ANO4: variants seen among roughly 807,000 people sequenced by gnomAD.
The protein encoded by ANO4 is anoctamin 4, also known as anoctamin-4.
Under a neutral mutation model 141.9 loss-of-function variants are expected in ANO4, and 69 were observed. The observed-to-expected ratio is 0.49, with a 90% CI of 0.40 to 0.59. ANO4 has a LOEUF of 0.59. ANO4 is among the 20% of genes least tolerant of loss of function. The pLI is 0.00. For missense variants in ANO4, 894 were observed against 1,162.2 expected (o/e 0.77, Z 3.36); for synonymous variants, 350 against 394.3 (o/e 0.89, Z 1.33).
chr12:101,017,546 C>G (rs1406793922), intron 8 of ANO4, among the ~76,000 whole-genome samples: 2 of 152,118 alleles, frequency 1.3e-5, no homozygotes, highest in Non-Finnish European at 2.9e-5. Context: ...GAAACAAGAG[C>G]AATCTGGACA....
intron 1 of ANO4, among the ~76,000 whole-genome samples, chr12:100,836,275 A>G (rs1738992785): frequency 6.6e-6 from 1 of 152,160 alleles, no homozygotes; most frequent in South Asian, 2.1e-4. Flanking sequence ...TCTATTTGAA[A>G]AATATGTGTC....
chr12:100,844,387 T>C (rs1366256939), intron 1 of ANO4, among the ~76,000 whole-genome samples: 1 of 152,124 alleles, frequency 6.6e-6, no homozygotes, highest in Non-Finnish European at 1.5e-5. Flanking sequence ...GGATTTCATC[T>C]CACAGCAATT....
intron 9 of ANO4, 111 bp from the exon 10 acceptor site, chr12:101,036,984 G>A (rs2047224260): frequency 3.8e-6 from 4 of 1,051,880 alleles, no homozygotes; most frequent in East Asian, 2.4e-5. Context: ...CCCCTAAGAG[G>A]GTTGATAGCC....
chr12:100,951,098 C>A (rs2042952129), intron 5 of ANO4, among the ~76,000 whole-genome samples: 1 of 152,244 alleles, frequency 6.6e-6, no homozygotes, highest in South Asian at 2.1e-4. Flanking sequence ...TATCACTAAT[C>A]ATTAGAGAAA....
chr12:100,777,564 T>C lies in ANO4; in HGVS notation c.358+37459T>C, dbSNP rs1049577023. Among the ~76,000 whole-genome samples, 77 of 152,100 alleles carry C rather than the reference T, an allele frequency of 5.1e-4. 1 individual carries two copies. Among genetic ancestry groups the C allele is most frequent in the African/African-American group, 1.8e-3 (76 of 41,430 alleles). On this transcript the variant is annotated intron_variant, in intron 3 of 29. Coordinates refer to the ANO4 transcript ENST00000644049. ...AGATTCAGTTTGCCTAAGCTTGGGT[T>C]CTTTTATAGATTCCATTAGTTAAAA...
chr12:100,931,240 T>C (rs2042078883), intron 3 of ANO4, among the ~76,000 whole-genome samples: 1 of 152,138 alleles, frequency 6.6e-6, no homozygotes, highest in African/African-American at 2.4e-5. Context: ...CTGTATTGTG[T>C]CTTTGTATTT....
chr12:100,964,025 G>A (rs1019663677), intron 5 of ANO4, among the ~76,000 whole-genome samples: 3 of 152,154 alleles, frequency 2.0e-5, no homozygotes, highest in African/African-American at 7.2e-5. Context: ...CCCACAGATG[G>A]CAGAACCAAG....
At chr12:101,102,165 A>T (rs1758461702) in intron 22 of ANO4, among the ~76,000 whole-genome samples, 1 of 152,184 alleles carries the variant, frequency 6.6e-6, no homozygotes, top group African/African-American at 2.4e-5. Flanking sequence ...TTAGGCTCTT[A>T]TAAATAATAC....
intron 2 of ANO4, among the ~76,000 whole-genome samples, chr12:100,737,325 T>C (rs1316829644): frequency 6.6e-6 from 1 of 152,166 alleles, no homozygotes; most frequent in African/African-American, 2.4e-5. Context: ...CTGACAATGA[T>C]CACAGGGTAA....
intron 4 of ANO4, among the ~76,000 whole-genome samples, chr12:100,941,574 A>G (rs924492014): frequency 6.6e-6 from 1 of 152,082 alleles, no homozygotes; most frequent in Non-Finnish European, 1.5e-5. Flanking sequence ...TTATTTATCT[A>G]TTTATTGTCT....
rs544550366 is a variant in ANO4, at chr12:100,875,567, C to T, written c.-140-26079C>T. 1.6e-4 allele frequency among the ~76,000 whole-genome samples: 24 copies of T among 152,310 alleles called. 1 individual carries two copies. In the South Asian group the frequency reaches 5.0e-3, roughly 32 times the overall value. On this transcript the variant is annotated intron_variant, in intron 1 of 27. Coordinates refer to ENST00000392977, the MANE Select transcript of ANO4 (RefSeq NM_001286615.2). ...TGCCCCTAAACTGCTTCAAAATTTT[C>T]ACAACAGCCTCATTCACCCAATTTC...
At chr12:100,864,133 A>C (rs1271999954) in intron 1 of ANO4, among the ~76,000 whole-genome samples, 1 of 152,202 alleles carries the variant, frequency 6.6e-6, no homozygotes, top group Non-Finnish European at 1.5e-5. Context: ...TCACTGCAGC[A>C]GAAGTCCCAA....
At chr12:101,063,431 A>G (rs1484988078) in intron 14 of ANO4, among the ~76,000 whole-genome samples, 2 of 152,244 alleles carry the variant, frequency 1.3e-5, no homozygotes, top group East Asian at 1.9e-4. Flanking sequence ...CCACTTCATC[A>G]TAATATATTA....
chr12:101,037,757 A>G (rs192955005), intron 10 of ANO4, among the ~76,000 whole-genome samples: 1 of 152,206 alleles, frequency 6.6e-6, no homozygotes, highest in Non-Finnish European at 1.5e-5. Flanking sequence ...GTTTTTAGGA[A>G]CATAATCCCT....
intron 8 of ANO4, among the ~76,000 whole-genome samples, chr12:100,993,473 T>G (rs983551507): frequency 7.2e-5 from 11 of 152,130 alleles, no homozygotes; most frequent in African/African-American, 2.4e-4. Context: ...AAGAACCTGC[T>G]ATAGGTCGTA....
intron 17 of ANO4, among the ~76,000 whole-genome samples, chr12:101,089,898 C>G (rs2049682742): frequency 6.6e-6 from 1 of 151,998 alleles, no homozygotes; most frequent in Non-Finnish European, 1.5e-5. Context: ...AATAAATTTA[C>G]AAGAAAAAAA....
chr12:101,045,456 A>G (rs1346311874), intron 13 of ANO4, among the ~76,000 whole-genome samples: 1 of 152,198 alleles, frequency 6.6e-6, no homozygotes, highest in Non-Finnish European at 1.5e-5. Context: ...AAGCCTTAGA[A>G]TGACAGAATT....
intron 1 of ANO4, among the ~76,000 whole-genome samples, chr12:100,726,901 T>TTA (rs2031148811): frequency 6.6e-6 from 1 of 150,676 alleles, no homozygotes; most frequent in African/African-American, 2.5e-5. Context: ...AATTGGTAAT[T>TTA]TATACACACA....
chr12:100,942,456 G>C lies in ANO4; in HGVS notation c.377G>C (p.Arg126Thr). The C allele has an allele frequency of 6.2e-7, 1 of 1,614,060 alleles. No individual in the cohort carries two copies. Among genetic ancestry groups the C allele is most frequent in the Non-Finnish European group, 8.5e-7 (1 of 1,180,002 alleles). Residue 126 changes from arginine (R) to threonine (T), a missense_variant, in exon 5 of 28, where the codon AGA becomes ACA. Physicochemically the swap from Arg to Thr is moderately conservative, Grantham distance 71. This residue lies in a region of ANO4 where 257 missense variants were observed against 253.0 expected (regional missense o/e 1.02). Transcript: ENST00000392977. ...CGAATTGACTACATCCTTGTGTACA[G>C]AAAATCCAACCCCCAGACTGAAAAG... ...KCRIDYILVY[R>T]KSNPQTEKRE...
Sources: gnomAD v4.1 joint callset for allele counts (sites outside exome capture counted in the v4.1 genomes callset) on GRCh38, gnomAD v4.1.1 for gene constraint, gnomAD v4.1.1 regional missense constraint, MANE v1.5 for transcripts, NCBI Gene and HGNC (gene_info 2026-07-23, HGNC 2026-07-21) for gene names.